DCC: variants seen among roughly 807,000 people sequenced by gnomAD.
DCC encodes netrin receptor DCC.
In DCC, 58 loss-of-function variants were observed where a neutral mutation model predicts 172.5. The ratio of observed to expected loss-of-function variants is 0.34; its 90% CI spans 0.27 to 0.42. The LOEUF (loss-of-function observed/expected upper bound fraction) is 0.42. DCC is among the 10% of genes least tolerant of loss of function. DCC has a pLI of 1.00. For missense variants in DCC, 1,740 were observed against 1,791.0 expected, an observed-to-expected ratio of 0.97 and a Z score of 0.51; for synonymous variants, 709 against 644.5, an observed-to-expected ratio of 1.10 and a Z score of -1.52.
chr18:53,205,195 C>CTTTA, intron 9 of DCC, 21 bp from the exon 10 acceptor site: 9 of 1,604,562 alleles, frequency 5.6e-6, no homozygotes, highest in Non-Finnish European at 6.8e-6. Flanking sequence ...TTCTTTCTTT[C>CTTTA]TTTATTATTT....
At chr18:52,835,247 C>T (rs1275468191) in intron 2 of DCC, among the ~76,000 whole-genome samples, 1 of 152,166 alleles carries the variant, frequency 6.6e-6, no homozygotes, top group Non-Finnish European at 1.5e-5. Context: ...GGGAGAAAAA[C>T]AATTTATATT....
intron 7 of DCC, among the ~76,000 whole-genome samples, chr18:53,079,757 G>A (rs1266507572): frequency 6.6e-6 from 1 of 152,154 alleles, no homozygotes; most frequent in Non-Finnish European, 1.5e-5. Flanking sequence ...TTGAAGTAGG[G>A]ATGTGGTTTG....
At chr18:53,068,087 A>G (rs996642241) in intron 7 of DCC, among the ~76,000 whole-genome samples, 7 of 152,188 alleles carry the variant, frequency 4.6e-5, no homozygotes, top group Non-Finnish European at 1.0e-4. Flanking sequence ...CTCTGGCTCA[A>G]GATCACCAGT....
intron 27 of DCC, among the ~76,000 whole-genome samples, chr18:53,510,496 G>A (rs768174583): frequency 5.3e-5 from 8 of 152,144 alleles, no homozygotes; most frequent in African/African-American, 7.2e-5. Flanking sequence ...TAAAAATGCC[G>A]TAAGTCAAAA....
chr18:53,198,939 G>T (rs2055491957), intron 9 of DCC, among the ~76,000 whole-genome samples: 2 of 152,146 alleles, frequency 1.3e-5, no homozygotes, highest in Admixed American at 6.6e-5. Context: ...GAATATTAAA[G>T]ACATCTTCGA....
intron 1 of DCC, among the ~76,000 whole-genome samples, chr18:52,664,683 G>C (rs1474465802): frequency 6.6e-6 from 1 of 151,764 alleles, no homozygotes; most frequent in East Asian, 1.9e-4. Flanking sequence ...GTGTTAGCCA[G>C]GATGGTCTCG....
chr18:52,601,392 C>T (rs564207989), intron 1 of DCC, among the ~76,000 whole-genome samples: 1 of 151,952 alleles, frequency 6.6e-6, no homozygotes, highest in African/African-American at 2.4e-5. Context: ...GATTTTCTTG[C>T]TTACCTGCCT....
intron 1 of DCC, among the ~76,000 whole-genome samples, chr18:52,675,066 CTGTT>C (rs1398085186): frequency 1.3e-5 from 2 of 152,048 alleles, no homozygotes; most frequent in African/African-American, 4.8e-5. Context: ...GTTTGTCTGT[CTGTT>C]TGTTTTGAGA....
chr18:53,133,571 G>T (rs1359341470), intron 7 of DCC, among the ~76,000 whole-genome samples: 1 of 152,136 alleles, frequency 6.6e-6, no homozygotes, highest in African/African-American at 2.4e-5. Flanking sequence ...CACCAAGGGA[G>T]CTCTAAATAA....
At chr18:53,341,020 C>T (rs1414453337) in intron 15 of DCC, among the ~76,000 whole-genome samples, 1 of 152,202 alleles carries the variant, frequency 6.6e-6, no homozygotes, top group Admixed American at 6.5e-5. Flanking sequence ...AGAGAAACAC[C>T]TACTGGAAAT....
chr18:52,622,060 T>A (rs1005132982), intron 1 of DCC, among the ~76,000 whole-genome samples: 1 of 152,124 alleles, frequency 6.6e-6, no homozygotes, highest in African/African-American at 2.4e-5. Flanking sequence ...TAAAAGAGGA[T>A]CATCGAACAT....
chr18:53,146,349 GGCT>G, intron 7 of DCC, among the ~76,000 whole-genome samples: 2 of 152,234 alleles, frequency 1.3e-5, no homozygotes, highest in Non-Finnish European at 2.9e-5. Context: ...GTCTGGTGAG[GGCT>G]GCTGTCTGCT....
chr18:52,613,109 G>A (rs1163374581), intron 1 of DCC, among the ~76,000 whole-genome samples: 1 of 152,168 alleles, frequency 6.6e-6, no homozygotes, highest in African/African-American at 2.4e-5. Flanking sequence ...TCTGGAAAAT[G>A]TTAGTGATAG....
At chr18:53,090,736 A>AAAAAAAAAAAAAAAAAAT (rs1568298524) in intron 7 of DCC, among the ~76,000 whole-genome samples, 1 of 129,524 alleles carries the variant, frequency 7.7e-6, no homozygotes, top group Non-Finnish European at 1.6e-5. Context: ...AAAAAAAAAG[A>AAAAAAAAAAAAAAAAAAT]ATGTATCGTG....
chr18:53,439,769 CTTT>C (rs1292726340), intron 22 of DCC, among the ~76,000 whole-genome samples: 1 of 127,212 alleles, frequency 7.9e-6, no homozygotes, highest in Non-Finnish European at 1.7e-5. Flanking sequence ...TAGTATTTTT[CTTT>C]TTTTTTTTTT....
chr18:53,087,682 C>G (rs1034283089), intron 7 of DCC, among the ~76,000 whole-genome samples: 3 of 151,882 alleles, frequency 2.0e-5, no homozygotes, highest in African/African-American at 7.2e-5. Flanking sequence ...TTGCCCATGC[C>G]TATGTCCTGA....
chr18:52,908,512 G>A (rs2145453016), intron 3 of DCC, among the ~76,000 whole-genome samples: 1 of 152,208 alleles, frequency 6.6e-6, no homozygotes, highest in East Asian at 1.9e-4. Flanking sequence ...ATGGAAAATT[G>A]GCAAGCATAT....
intron 7 of DCC, among the ~76,000 whole-genome samples, chr18:53,090,099 A>G (rs1403800180): frequency 1.3e-5 from 2 of 152,164 alleles, no homozygotes; most frequent in African/African-American, 4.8e-5. Flanking sequence ...AGTTGCTAAA[A>G]TTTTAGGAAA....
At chr18:52,618,766 A>G (rs747407293) in intron 1 of DCC, among the ~76,000 whole-genome samples, 2 of 152,128 alleles carry the variant, frequency 1.3e-5, no homozygotes, top group Non-Finnish European at 2.9e-5. Context: ...CTATTGCTTT[A>G]CCTTCTTTTC....
Sources: allele counts gnomAD v4.1 joint callset (sites outside exome capture counted in the v4.1 genomes callset), GRCh38; gene constraint gnomAD v4.1.1; transcripts MANE v1.5; gene names NCBI Gene and HGNC (gene_info 2026-07-23, HGNC 2026-07-21).